RFC1: variants seen among roughly 807,000 people sequenced by gnomAD.
The protein encoded by RFC1 is A1 140 kDa subunit.
Under a neutral mutation model 137.4 loss-of-function variants are expected in RFC1, and 37 were observed. The ratio of observed to expected loss-of-function variants is 0.27; its 90% CI spans 0.21 to 0.35. The LOEUF (loss-of-function observed/expected upper bound fraction) is 0.35, where lower values mean the gene tolerates loss of function less well. Among genes scored for constraint, RFC1 ranks in the 10% least tolerant of loss-of-function variants. RFC1 has a pLI of 1.00. For missense variants in RFC1, 1,205 were observed against 1,358.5 expected, an observed-to-expected ratio of 0.89 and a Z score of 1.78; for synonymous variants, 429 against 455.7, an observed-to-expected ratio of 0.94 and a Z score of 0.75.
Position 39,288,604 on chromosome 4 carries a change from C to G in RFC1, c.*157G>C, listed in dbSNP as rs1321636003. ...GGTGTACATAAGCCTACTGCTCATACCCTTCTAGCCATACCACCCTTTATT... is the reference window on the plus strand; with the variant it reads ...GGTGTACATAAGCCTACTGCTCATAGCCTTCTAGCCATACCACCCTTTATT... On this transcript the variant is annotated 3_prime_UTR_variant, in exon 25 of 25. Coordinates refer to ENST00000349703, the MANE Select transcript of RFC1 (RefSeq NM_002913.5). 3.2e-6 allele frequency: 2 copies of G among 619,376 alleles called. No homozygotes were observed. Among genetic ancestry groups the G allele is most frequent in the Non-Finnish European group, 5.8e-6 (2 of 343,038 alleles). 38.4% of individuals were successfully genotyped at this position (619,376 alleles called of 1,614,324 possible).
chr4:39,340,063 A>T (rs533248854), intron 4 of RFC1, among the ~76,000 whole-genome samples: 3 of 152,356 alleles, frequency 2.0e-5, no homozygotes, highest in Non-Finnish European at 2.9e-5. Flanking sequence ...ATCTCATTTG[A>T]TTATCACAAA....
chr4:39,310,666 C>T (rs1447921848), intron 12 of RFC1, among the ~76,000 whole-genome samples: 1 of 152,190 alleles, frequency 6.6e-6, no homozygotes, highest in East Asian at 1.9e-4. Flanking sequence ...ACCAGACCCT[C>T]CCTGCCCATA....
intron 1 of RFC1, among the ~76,000 whole-genome samples, chr4:39,351,970 A>G (rs1741229324): frequency 1.3e-5 from 2 of 151,446 alleles, no homozygotes; most frequent in Non-Finnish European, 2.9e-5. Context: ...CCGTCTCAAA[A>G]AAAAAAAAAA....
At chr4:39,318,911 T>A (rs1313259348) in intron 9 of RFC1, among the ~76,000 whole-genome samples, 2 of 152,228 alleles carry the variant, frequency 1.3e-5, no homozygotes, top group South Asian at 2.1e-4. Flanking sequence ...GAGGCATGAA[T>A]GAATAGTGGT....
At chr4:39,340,802 C>T (rs1740573301) in intron 4 of RFC1, among the ~76,000 whole-genome samples, 1 of 152,114 alleles carries the variant, frequency 6.6e-6, no homozygotes, top group Admixed American at 6.5e-5. Flanking sequence ...TTCTTCCCTA[C>T]ATCTCAATTC....
intron 24 of RFC1, chr4:39,289,601 C>T (rs1441549463): frequency 7.5e-6 from 3 of 402,308 alleles, no homozygotes; most frequent in Non-Finnish European, 8.8e-6. Flanking sequence ...AAAAATGGTA[C>T]TTTTTCTAAC....
At chr4:39,320,894 A>T (rs1487593173) in intron 8 of RFC1, among the ~76,000 whole-genome samples, 1 of 152,222 alleles carries the variant, frequency 6.6e-6, no homozygotes, top group Admixed American at 6.5e-5. Context: ...ACCACTGAAG[A>T]ATAAAACCTA....
At chr4:39,330,716 G>A (rs1048381835) in intron 4 of RFC1, among the ~76,000 whole-genome samples, 19 of 152,136 alleles carry the variant, frequency 1.2e-4, no homozygotes, top group Admixed American at 2.6e-4. Flanking sequence ...GTTTGCAACC[G>A]AAAGAGTTAA....
At chr4:39,292,623 T>C (rs541135533) in intron 22 of RFC1, among the ~76,000 whole-genome samples, 12 of 139,808 alleles carry the variant, frequency 8.6e-5, no homozygotes, top group Non-Finnish European at 1.9e-4. Flanking sequence ...ACATTATTTA[T>C]TTATTTATTT....
At chr4:39,294,899 G>C (rs755925882) in intron 22 of RFC1, among the ~76,000 whole-genome samples, 3 of 152,104 alleles carry the variant, frequency 2.0e-5, no homozygotes, top group Non-Finnish European at 2.9e-5. Flanking sequence ...AGCTACTCAG[G>C]AGGCTGAGGT....
intron 2 of RFC1, 88 bp downstream of exon 2, chr4:39,351,260 A>C: frequency 2.4e-5 from 2 of 83,476 alleles, no homozygotes; most frequent in South Asian, 3.0e-4. Context: ...CAGGAAAAAA[A>C]AAAAAAAAAA....
intron 9 of RFC1, among the ~76,000 whole-genome samples, chr4:39,318,855 A>T (rs916009902): frequency 6.6e-6 from 1 of 152,250 alleles, no homozygotes. Flanking sequence ...AATGGTGATG[A>T]CCAGTTAAAA....
intron 1 of RFC1, among the ~76,000 whole-genome samples, chr4:39,357,659 C>T (rs1273888538): frequency 6.6e-6 from 1 of 151,670 alleles, no homozygotes; most frequent in Non-Finnish European, 1.5e-5. Context: ...CACTGTCGCC[C>T]AGGCTGGAGT....
intron 22 of RFC1, among the ~76,000 whole-genome samples, chr4:39,293,117 A>G (rs577443132): frequency 1.2e-4 from 18 of 152,200 alleles, no homozygotes; most frequent in Non-Finnish European, 2.4e-4. Context: ...TCACCCTCGC[A>G]ACTATTACCT....
intron 6 of RFC1, 138 bp downstream of exon 6, chr4:39,326,425 A>G: frequency 1.6e-6 from 1 of 608,700 alleles, no homozygotes. Flanking sequence ...TATCTTGTAT[A>G]GAAATTTAGA....
intron 19 of RFC1, among the ~76,000 whole-genome samples, chr4:39,301,041 C>G (rs1031763446): frequency 1.3e-5 from 2 of 149,484 alleles, no homozygotes; most frequent in South Asian, 4.2e-4. Flanking sequence ...TACAGTGTGC[C>G]AAGATCACAC....
intron 2 of RFC1, 89 bp downstream of exon 2, chr4:39,351,259 A>G: frequency 6.1e-5 from 4 of 65,712 alleles, no homozygotes; most frequent in East Asian, 4.2e-4. Context: ...TCAGGAAAAA[A>G]AAAAAAAAAA....
intron 6 of RFC1, among the ~76,000 whole-genome samples, chr4:39,325,677 C>T (rs1739728223): frequency 6.6e-6 from 1 of 152,170 alleles, no homozygotes; most frequent in Admixed American, 6.5e-5. Context: ...GCCACCACAC[C>T]CAGCCTCATC....
chr4:39,365,845 G>A (rs1425108964), intron 1 of RFC1, among the ~76,000 whole-genome samples: 1 of 152,102 alleles, frequency 6.6e-6, no homozygotes, highest in Non-Finnish European at 1.5e-5. Context: ...CTTCTCCCTC[G>A]TGACCCAAAG....
Sources: gnomAD v4.1 joint callset for allele counts (sites outside exome capture counted in the v4.1 genomes callset) on GRCh38, gnomAD v4.1.1 for gene constraint, MANE v1.5 for transcripts, NCBI Gene and HGNC (gene_info 2026-07-23, HGNC 2026-07-21) for gene names.